The following ADGRA2 variants were observed in gnomAD, a reference collection of about 807,000 sequenced individuals.
ADGRA2 encodes the protein adhesion G protein-coupled receptor A2.
A neutral mutation model predicts 98.7 loss-of-function variants in ADGRA2; 61 were observed. That is an observed-to-expected ratio of 0.62 (90% confidence interval 0.50 to 0.76). The LOEUF is 0.76. ADGRA2 is among the 30% of genes least tolerant of loss of function. The pLI is 0.00. For synonymous variants in ADGRA2, 858 were observed against 831.5 expected (o/e 1.03, Z -0.55); for missense variants, 1,712 against 1,860.0 (o/e 0.92, Z 1.46).
chr8:37,813,148 T>G (rs529975105), intron 1 of ADGRA2, among the ~76,000 whole-genome samples: 28 of 152,248 alleles, frequency 1.8e-4, no homozygotes, highest in Admixed American at 1.5e-3. Context: ...GAGGATCCCT[T>G]GAGCCCAGGA....
chr8:37,830,044 C>G lies in ADGRA2; in HGVS notation c.718+30C>G, dbSNP rs1487290025. 2 of 1,448,632 alleles carry G rather than the reference C, an allele frequency of 1.4e-6. No individual in the cohort carries two copies. Among genetic ancestry groups the G allele is most frequent in the South Asian group, 1.3e-5 (1 of 76,772 alleles). 89.7% of individuals were successfully genotyped at this position (1,448,632 alleles called of 1,614,324 possible). ...GCAAGTCCCCCCAGCTACACATCTC[C>G]CAGGGACCCTGCCTCTCCACCAACC... On this transcript the variant is annotated intron_variant, in intron 6 of 18. Transcript: ENST00000412232. This position sits in a 1 kb window ranked among gnomAD's most constrained non-coding sequence, Gnocchi z 4.8.
At chr8:37,828,012 C>T (rs1441268827) in intron 2 of ADGRA2, among the ~76,000 whole-genome samples, 1 of 151,952 alleles carries the variant, frequency 6.6e-6, no homozygotes, top group East Asian at 1.9e-4. Flanking sequence ...TGTGGTGGCG[C>T]ACACCTGTGG....
At chr8:37,805,678 G>A (rs1804637984) in intron 1 of ADGRA2, among the ~76,000 whole-genome samples, 1 of 151,892 alleles carries the variant, frequency 6.6e-6, no homozygotes, top group Non-Finnish European at 1.5e-5. Flanking sequence ...GACCATCCTG[G>A]CTAACACAGT....
chr8:37,830,611 C>CCG lies in ADGRA2; in HGVS notation c.719-98_719-97insGC. On this transcript the variant is annotated intron_variant, in intron 6 of 18. Transcript: ENST00000412232. This position sits in a 1 kb window ranked among gnomAD's most constrained non-coding sequence, Gnocchi z 4.8. ...GCTGGAGCAGGCTGCAGGCCGAGGG[C>CCG]CCCGCCCCGCCCCACCCCATCCTGC... 15 of 524,104 alleles carry CCG rather than the reference C, an allele frequency of 2.9e-5. No homozygotes were observed. The highest frequency in any genetic ancestry group is 3.8e-5 in the East Asian group (1 of 25,982). 32.5% of individuals were successfully genotyped at this position (524,104 alleles called of 1,614,324 possible).
chr8:37,835,102 TGA>T, intron 11 of ADGRA2, 70 bp from the exon 12 acceptor site: 1 of 1,091,752 alleles, frequency 9.2e-7, no homozygotes, highest in Non-Finnish European at 1.4e-6. Flanking sequence ...GCAGGCCCAT[TGA>T]GAGAGATGTG....
chr8:37,808,867 C>A (rs1325073701), intron 1 of ADGRA2, among the ~76,000 whole-genome samples: 1 of 152,074 alleles, frequency 6.6e-6, no homozygotes, highest in Admixed American at 6.6e-5. Flanking sequence ...GCTGCCCAGG[C>A]TGGAGTACAG....
rs765505492 is a variant in ADGRA2 at position 37,841,914 on chromosome 8, G to A, written c.3576G>A (p.Ala1192=). 4 of 1,526,342 alleles carry A rather than the reference G, an allele frequency of 2.6e-6. No individual in the cohort carries two copies. The highest frequency in any genetic ancestry group is 3.5e-6 in the Non-Finnish European group (4 of 1,143,912). 94.5% of individuals were successfully genotyped at this position (1,526,342 alleles called of 1,614,324 possible). A position where few individuals can be genotyped will look rare whatever the true frequency, so the allele number is the denominator to read the frequency against. The change falls in exon 19 of 19, where the codon GCG becomes GCA. Residue 1192 remains alanine, a synonymous_variant. Coordinates refer to ENST00000412232, the MANE Select transcript of ADGRA2 (RefSeq NM_032777.10). This position sits in a 1 kb window ranked among gnomAD's most constrained non-coding sequence, Gnocchi z 5.0. Reference sequence around the variant, plus strand: ...AGAGCCGGGCCAAGGGACACCGCGCGGGGGAGGCCTGCGGCAAGAACCGGC... The same window carrying A: ...AGAGCCGGGCCAAGGGACACCGCGCAGGGGAGGCCTGCGGCAAGAACCGGC... ...AHKSRAKGHR[A]GEACGKNRLK...
Position 37,831,475 on chromosome 8 carries a change from A to G in ADGRA2, c.985A>G (p.Thr329Ala), listed in dbSNP as rs1315657481. 6 of 1,613,548 alleles carry G rather than the reference A, an allele frequency of 3.7e-6. No individual in the cohort carries two copies. The highest frequency in any genetic ancestry group is 5.1e-6 in the Non-Finnish European group (6 of 1,180,006). ...GVWASGEWEC[T>A]VSMAQGNASK... ...GTGGGCCTCAGGCGAGTGGGAGTGCACCGTGTCCATGGCCCAAGGCAACGC... is the reference window on the plus strand; with the variant it reads ...GTGGGCCTCAGGCGAGTGGGAGTGCGCCGTGTCCATGGCCCAAGGCAACGC... The change falls in exon 8 of 19, where the codon ACC becomes GCC. Residue 329 changes from threonine (T) to alanine (A), a missense_variant. Coordinates refer to ENST00000412232, the MANE Select transcript of ADGRA2 (RefSeq NM_032777.10).
At chr8:37,829,767 C>CT (rs931184886) in intron 5 of ADGRA2, 84 bp from the exon 6 acceptor site, 18 of 1,389,932 alleles carry the variant, frequency 1.3e-5, no homozygotes, top group Non-Finnish European at 1.7e-5. Flanking sequence ...CCCTCTCCAG[C>CT]TTCATCCCTC....
chr8:37,806,339 G>A (rs2051830777), intron 1 of ADGRA2, among the ~76,000 whole-genome samples: 1 of 152,088 alleles, frequency 6.6e-6, no homozygotes, highest in Non-Finnish European at 1.5e-5. Context: ...AACTGTGGAT[G>A]ATTACAGCAG....
In ADGRA2 at chr8:37,834,062, C is replaced by T. The variant is rs1426986838; in HGVS notation, c.1542C>T (p.Arg514=). Residue 514 remains arginine (R), a synonymous_variant, in exon 11 of 19, where the codon CGC becomes CGT. Transcript: ENST00000412232. The surrounding 1 kb of genome is among the most constrained non-coding windows in gnomAD (Gnocchi z 4.2). ...AGCGCGAGGACAAGGCCTGCAGCCG[C>T]ATCGTGGGTGCCCTGGAGCGCATTG... ...LAQREDKACS[R]IVGALERIGG... 1 of 1,612,840 alleles carries T rather than the reference C, an allele frequency of 6.2e-7. No homozygotes were observed. Among genetic ancestry groups the T allele is most frequent in the Non-Finnish European group, 8.5e-7 (1 of 1,179,976 alleles).
intron 2 of ADGRA2, among the ~76,000 whole-genome samples, chr8:37,816,593 AACACACACAC>A (rs545433349): frequency 2.7e-4 from 36 of 131,392 alleles, no homozygotes; most frequent in South Asian, 5.2e-4. Context: ...CTCCGTCTCA[AACACACACAC>A]ACACACACAC....
chr8:37,825,190 A>C (rs1805240994), intron 2 of ADGRA2, among the ~76,000 whole-genome samples: 1 of 151,778 alleles, frequency 6.6e-6, no homozygotes, highest in Non-Finnish European at 1.5e-5. Flanking sequence ...TCCACAAGCT[A>C]CTCTAGCTTC....
intron 15 of ADGRA2, 187 bp downstream of exon 15, chr8:37,839,270 G>C: frequency 1.6e-6 from 1 of 619,846 alleles, no homozygotes; most frequent in Non-Finnish European, 2.0e-6. Flanking sequence ...GGACTTGGCA[G>C]GGGTTTTTTC....
At chr8:37,813,761 C>T (rs1050564096) in intron 1 of ADGRA2, among the ~76,000 whole-genome samples, 1 of 152,222 alleles carries the variant, frequency 6.6e-6, no homozygotes. Flanking sequence ...GTCTTCTCCA[C>T]GAGCCAATGG....
At chr8:37,826,643 T>C (rs1247568556) in intron 2 of ADGRA2, among the ~76,000 whole-genome samples, 1 of 152,098 alleles carries the variant, frequency 6.6e-6, no homozygotes, top group Non-Finnish European at 1.5e-5. Context: ...CTGTGCACAG[T>C]GTTTCTGTCC....
Position 37,840,117 on chromosome 8 carries a change from G to A in ADGRA2, c.2512-4G>A, listed in dbSNP as rs769726474. 8.2e-6 allele frequency: 13 copies of A among 1,585,070 alleles called. No individual in the cohort carries two copies. Among genetic ancestry groups the A allele is most frequent in the African/African-American group, 2.7e-5 (2 of 74,484 alleles). On this transcript the variant is annotated splice_region_variant and splice_polypyrimidine_tract_variant and intron_variant, in intron 16 of 18. Coordinates refer to ENST00000412232, the MANE Select transcript of ADGRA2 (RefSeq NM_032777.10). ...TCCCCAGCCTCCGTGCCTTGACCCC[G>A]CAGGTGGGCATCACCCTGCACTACT...
At position 37,814,554 on chromosome 8, in the gene ADGRA2, A is replaced by G. The variant is rs1804925071; in HGVS notation, c.267-342A>G. On this transcript the variant is annotated intron_variant, in intron 1 of 18. Coordinates refer to ENST00000412232, the MANE Select transcript of ADGRA2 (RefSeq NM_032777.10). This position sits in a 1 kb window ranked among gnomAD's most constrained non-coding sequence, Gnocchi z 4.3. Reference sequence around the variant, plus strand: ...GAGCAAGGATGGAACTGTGAAGGGCATCATGAGGGGGCACTGAGGGTCAGC... The same window carrying G: ...GAGCAAGGATGGAACTGTGAAGGGCGTCATGAGGGGGCACTGAGGGTCAGC... Among the ~76,000 whole-genome samples the G allele has an allele frequency of 6.6e-6, 1 of 152,204 alleles. No individual in the cohort carries two copies. Among genetic ancestry groups the G allele is most frequent in the Admixed American group, 6.5e-5 (1 of 15,274 alleles).
chr8:37,841,899 C>T lies in ADGRA2; in HGVS notation c.3561C>T (p.Ala1187=). Residue 1187 remains alanine (A), a synonymous_variant, in exon 19 of 19, where the codon GCC becomes GCT. Transcript: ENST00000412232. This position sits in a 1 kb window ranked among gnomAD's most constrained non-coding sequence, Gnocchi z 5.0. ...HHGRRAHKSR[A]KGHRAGEACG... is the part of the protein sequence containing the mutation. ...GGCGTCGGGCGCACAAGAGCCGGGC[C>T]AAGGGACACCGCGCGGGGGAGGCCT... The T allele has an allele frequency of 2.0e-6, 3 of 1,533,136 alleles. No individual in the cohort carries two copies. Among genetic ancestry groups the T allele is most frequent in the East Asian group, 2.5e-5 (1 of 40,706 alleles). 95.0% of individuals were successfully genotyped at this position (1,533,136 alleles called of 1,614,324 possible).
Sources: allele counts gnomAD v4.1 joint callset (sites outside exome capture counted in the v4.1 genomes callset), GRCh38; gene constraint gnomAD v4.1.1; non-coding constraint Gnocchi (gnomAD v3.1); transcripts MANE v1.5; gene names NCBI Gene and HGNC (gene_info 2026-07-23, HGNC 2026-07-21).